The following RTN1 variants were observed in gnomAD, a reference collection of about 807,000 sequenced individuals.
RTN1 encodes the protein reticulon-1.
In RTN1, 25 loss-of-function variants were observed where a neutral mutation model predicts 65.5. The observed-to-expected ratio is 0.38, with a 90% CI of 0.28 to 0.53. The LOEUF is 0.53. RTN1 is among the 20% of genes least tolerant of loss of function. The pLI is 0.79. For synonymous variants in RTN1, 471 were observed against 447.6 expected (o/e 1.05, Z -0.66); for missense variants, 983 against 1,025.4 (o/e 0.96, Z 0.57).
At chr14:59,608,318 T>G (rs879942968) in intron 3 of RTN1, among the ~76,000 whole-genome samples, 4 of 152,204 alleles carry the variant, frequency 2.6e-5, no homozygotes, top group Non-Finnish European at 5.9e-5. Flanking sequence ...GTGGTAGTGG[T>G]TTGTACTGCT....
intron 1 of RTN1, among the ~76,000 whole-genome samples, chr14:59,775,911 G>A (rs1447709347): frequency 1.3e-5 from 2 of 152,020 alleles, no homozygotes; most frequent in African/African-American, 2.4e-5. Flanking sequence ...CTCACAACCA[G>A]AAATAAGAAG....
chr14:59,665,419 C>G (rs993223812), intron 3 of RTN1, among the ~76,000 whole-genome samples: 1 of 152,160 alleles, frequency 6.6e-6, no homozygotes, highest in Non-Finnish European at 1.5e-5. Flanking sequence ...CCAGGCCTGC[C>G]TTACAAGAGC....
At chr14:59,815,731 G>T (rs763399161) in intron 1 of RTN1, among the ~76,000 whole-genome samples, 2 of 152,122 alleles carry the variant, frequency 1.3e-5, no homozygotes, top group Non-Finnish European at 1.5e-5. Flanking sequence ...TTGGAGAACT[G>T]ATTTCACACT....
chr14:59,817,437 C>T (rs1886842411), intron 1 of RTN1, among the ~76,000 whole-genome samples: 1 of 152,158 alleles, frequency 6.6e-6, no homozygotes, highest in Non-Finnish European at 1.5e-5. Flanking sequence ...CAATATCTGT[C>T]AAAACAGCCC....
rs1886589254 is a variant in RTN1, at chr14:59,803,815, A to C, written c.242-57334T>G. Among the ~76,000 whole-genome samples, 1 of 152,232 alleles carries C rather than the reference A, an allele frequency of 6.6e-6. No individual in the cohort carries two copies. The highest frequency in any genetic ancestry group is 1.5e-5 in the Non-Finnish European group (1 of 68,036). Reference sequence around the variant, plus strand: ...TTTAGGCCTCTCAACTTGAAGATTCAGAAACCTGAGGCCACAGTATCCTAT... The same window carrying C: ...TTTAGGCCTCTCAACTTGAAGATTCCGAAACCTGAGGCCACAGTATCCTAT... On this transcript the variant is annotated intron_variant, in intron 1 of 8. Coordinates refer to ENST00000267484, the MANE Select transcript of RTN1 (RefSeq NM_021136.3). The surrounding 1 kb of genome is among the most constrained non-coding windows in gnomAD (Gnocchi z 5.6).
chr14:59,668,376 G>C (rs532847505), intron 3 of RTN1, among the ~76,000 whole-genome samples: 7 of 152,290 alleles, frequency 4.6e-5, no homozygotes, highest in Non-Finnish European at 8.8e-5. Flanking sequence ...TTAATAAATG[G>C]TGCTGGGAAA....
At chr14:59,622,174 A>AAAAATAC in intron 3 of RTN1, among the ~76,000 whole-genome samples, 1 of 152,112 alleles carries the variant, frequency 6.6e-6, no homozygotes, top group East Asian at 1.9e-4. Context: ...TGTGTCTACT[A>AAAAATAC]AAAATACAAA....
rs552409963 is a variant in RTN1, at chr14:59,739,196, A to C, written c.1015+6512T>G. 6.1e-4 allele frequency among the ~76,000 whole-genome samples: 93 copies of C among 151,886 alleles called. 4 individuals carry two copies. In the South Asian group the frequency reaches 0.019, roughly 31 times the overall value. On this transcript the variant is annotated intron_variant, in intron 2 of 8. Transcript: ENST00000267484. ...GTCAGTCTTTTATTAGGCAGGCATT[A>C]GTGGATCCTGGAAGGGTTAGGATGA... is the stretch of plus-strand genomic sequence containing the variant.
At chr14:59,655,148 A>G (rs1033792571) in intron 3 of RTN1, among the ~76,000 whole-genome samples, 3 of 152,246 alleles carry the variant, frequency 2.0e-5, no homozygotes, top group Admixed American at 6.5e-5. Context: ...TCAACTGTAT[A>G]TCTATACACT....
At chr14:59,861,796 T>C (rs1290573035) in intron 1 of RTN1, among the ~76,000 whole-genome samples, 1 of 152,232 alleles carries the variant, frequency 6.6e-6, no homozygotes, top group Admixed American at 6.5e-5. Flanking sequence ...CAGATCTTCA[T>C]TCTTTTCTTT....
chr14:59,694,493 GC>G (rs1884023700), intron 3 of RTN1, among the ~76,000 whole-genome samples: 1 of 152,128 alleles, frequency 6.6e-6, no homozygotes, highest in Non-Finnish European at 1.5e-5. Context: ...ATATAACAAA[GC>G]ATAATTAAAT....
intron 3 of RTN1, among the ~76,000 whole-genome samples, chr14:59,719,385 AG>A (rs1343055179): frequency 6.6e-6 from 1 of 152,142 alleles, no homozygotes; most frequent in Non-Finnish European, 1.5e-5. Context: ...TCCTTCTCAG[AG>A]GCCTTCTCTG....
At chr14:59,642,680 C>T (rs1056474457) in intron 3 of RTN1, among the ~76,000 whole-genome samples, 2 of 152,048 alleles carry the variant, frequency 1.3e-5, no homozygotes, top group Non-Finnish European at 2.9e-5. Context: ...GTTTCCATGT[C>T]TCTGTTGAAA....
intron 3 of RTN1, among the ~76,000 whole-genome samples, chr14:59,617,817 G>T (rs1237177593): frequency 1.3e-5 from 2 of 152,074 alleles, no homozygotes; most frequent in East Asian, 3.9e-4. Context: ...GCCCAGCCAG[G>T]CCTGCATGAG....
intron 8 of RTN1, among the ~76,000 whole-genome samples, chr14:59,599,806 T>C (rs1442144873): frequency 6.6e-6 from 1 of 152,204 alleles, no homozygotes; most frequent in Non-Finnish European, 1.5e-5. Flanking sequence ...TCTTTCTTTC[T>C]TCTCATTTGA....
intron 3 of RTN1, among the ~76,000 whole-genome samples, chr14:59,685,256 C>A (rs1883823539): frequency 6.6e-6 from 1 of 152,180 alleles, no homozygotes; most frequent in Admixed American, 6.5e-5. Context: ...AGACCTGGAA[C>A]AAGACAAAGA....
chr14:59,721,597 G>C (rs187473369), intron 3 of RTN1, among the ~76,000 whole-genome samples: 19 of 152,342 alleles, frequency 1.2e-4, no homozygotes, highest in African/African-American at 3.6e-4. Flanking sequence ...AAAAGGTGCT[G>C]AGGTACCTGG....
intron 2 of RTN1, among the ~76,000 whole-genome samples, chr14:59,743,539 C>T (rs973435670): frequency 1.3e-5 from 2 of 152,154 alleles, no homozygotes; most frequent in Non-Finnish European, 1.5e-5. Context: ...CTTGGAAACT[C>T]GGATATGTTC....
chr14:59,815,011 C>A (rs187100674), intron 1 of RTN1, among the ~76,000 whole-genome samples: 1 of 152,172 alleles, frequency 6.6e-6, no homozygotes, highest in Non-Finnish European at 1.5e-5. Flanking sequence ...TGTGTTCAAG[C>A]TATTTTATAT....
Sources: allele counts gnomAD v4.1 joint callset (sites outside exome capture counted in the v4.1 genomes callset), GRCh38; gene constraint gnomAD v4.1.1; non-coding constraint Gnocchi (gnomAD v3.1); transcripts MANE v1.5; gene names NCBI Gene and HGNC (gene_info 2026-07-23, HGNC 2026-07-21).